Variants in COG5 observed in about 807,000 individuals in gnomAD.
COG5 encodes the protein component of oligomeric golgi complex 5, also known as conserved oligomeric Golgi complex subunit 5.
A neutral mutation model predicts 110.4 loss-of-function variants in COG5; 86 were observed. The ratio of observed to expected loss-of-function variants is 0.78; its 90% CI spans 0.65 to 0.93. The LOEUF is 0.93. Among genes scored for constraint, COG5 ranks in the 40% least tolerant of loss-of-function variants. The probability of loss-of-function intolerance (pLI) is 0.00; values close to 1 mark genes in which losing one functional copy is unlikely to be tolerated. For missense variants in COG5, 1,077 were observed against 987.0 expected (o/e 1.09, Z -1.22); for synonymous variants, 360 against 334.6 (o/e 1.08, Z -0.83).
intron 17 of COG5, among the ~76,000 whole-genome samples, chr7:107,243,342 T>C (rs1283774635): frequency 6.6e-6 from 1 of 151,492 alleles, no homozygotes; most frequent in African/African-American, 2.4e-5. Flanking sequence ...TGAAACCCCG[T>C]CTCTACTAAA....
At chr7:107,500,345 T>C (rs527382455) in intron 6 of COG5, among the ~76,000 whole-genome samples, 3 of 152,322 alleles carry the variant, frequency 2.0e-5, no homozygotes, top group East Asian at 1.9e-4. Flanking sequence ...CCCTAGACCA[T>C]GCAATTTAGA....
At chr7:107,447,077 G>A (rs1265584751) in intron 6 of COG5, among the ~76,000 whole-genome samples, 1 of 152,180 alleles carries the variant, frequency 6.6e-6, no homozygotes, top group Non-Finnish European at 1.5e-5. Context: ...TTTTTGACAA[G>A]GTTCAGTTCC....
At chr7:107,507,269 G>C (rs1799085847) in intron 6 of COG5, among the ~76,000 whole-genome samples, 1 of 151,082 alleles carries the variant, frequency 6.6e-6, no homozygotes, top group Non-Finnish European at 1.5e-5. Context: ...AATTTTAATA[G>C]CCTTGAAATA....
Position 107,362,356 on chromosome 7 carries a change from C to G in COG5, c.900G>C (p.Trp300Cys). ...GNTAALRASF[W>C]TNMEKLMDHI... is the part of the protein sequence containing the mutation. ...GATCCATAAGTTTCTCCATATTGGT[C>G]CAGAATGAGGCACGCAAAGCTGCAG... Residue 300 changes from tryptophan to cysteine, a missense_variant, in exon 9 of 22, where the codon TGG becomes TGC. Trp to Cys is a radical substitution (Grantham distance 215, BLOSUM62 -2). Coordinates refer to ENST00000297135, the MANE Select transcript of COG5 (RefSeq NM_006348.5). 6.2e-7 allele frequency: 1 copy of G among 1,613,818 alleles called. No homozygotes were observed. The highest frequency in any genetic ancestry group is 8.5e-7 in the Non-Finnish European group (1 of 1,179,822).
Position 107,283,734 on chromosome 7 carries a change from T to TTTGGAACAAA in COG5, c.1314-3_1314-2insTTTGTTCCAA, listed in dbSNP as rs760690359. 26 of 1,613,334 alleles carry TTTGGAACAAA rather than the reference T, an allele frequency of 1.6e-5. No homozygotes were observed. Among genetic ancestry groups the TTTGGAACAAA allele is most frequent in the Non-Finnish European group, 2.1e-5 (25 of 1,179,474 alleles). ...GAGTCTTTCAAAGCCTTTTCTGGAC[T>TTTGGAACAAA]GTGGAAACAAAATTTTTTAAAAACT... On this transcript the variant is annotated splice_region_variant and splice_polypyrimidine_tract_variant and intron_variant, in intron 12 of 21. Coordinates refer to ENST00000297135, the MANE Select transcript of COG5 (RefSeq NM_006348.5).
chr7:107,318,759 C>G (rs1320376970), intron 11 of COG5, among the ~76,000 whole-genome samples: 1 of 152,102 alleles, frequency 6.6e-6, no homozygotes, highest in Non-Finnish European at 1.5e-5. Context: ...AGATCAGGGC[C>G]CACCCTTGTG....
At chr7:107,271,888 C>A (rs929987351) in intron 14 of COG5, among the ~76,000 whole-genome samples, 2 of 151,546 alleles carry the variant, frequency 1.3e-5, no homozygotes, top group African/African-American at 4.9e-5. Flanking sequence ...TTGAATTTTG[C>A]TGAATTAGCT....
chr7:107,545,692 A>G (rs1802362260), intron 5 of COG5, among the ~76,000 whole-genome samples: 6 of 150,470 alleles, frequency 4.0e-5, no homozygotes, highest in Admixed American at 4.0e-4. Flanking sequence ...AGGCAGAAGA[A>G]TGGCTTGAAC....
chr7:107,325,974 C>A (rs1394369852), intron 10 of COG5, among the ~76,000 whole-genome samples: 1 of 152,136 alleles, frequency 6.6e-6, no homozygotes, highest in Non-Finnish European at 1.5e-5. Flanking sequence ...TTATGTCTTG[C>A]ATATCTTAGT....
intron 7 of COG5, among the ~76,000 whole-genome samples, chr7:107,379,736 C>T (rs1814945849): frequency 6.6e-6 from 1 of 151,986 alleles, no homozygotes; most frequent in Non-Finnish European, 1.5e-5. Flanking sequence ...GCTAACTATC[C>T]CAAGTATATA....
chr7:107,409,397 A>T (rs1792110830), intron 7 of COG5, among the ~76,000 whole-genome samples: 1 of 152,038 alleles, frequency 6.6e-6, no homozygotes, highest in Admixed American at 6.5e-5. Flanking sequence ...TAGATTACTG[A>T]AAGTAATCTA....
intron 5 of COG5, among the ~76,000 whole-genome samples, chr7:107,528,686 AT>A (rs1448150994): frequency 6.6e-6 from 1 of 152,186 alleles, no homozygotes; most frequent in African/African-American, 2.4e-5. Flanking sequence ...CATCACAACC[AT>A]TTTTGAATGG....
At chr7:107,541,935 AG>A (rs1802070263) in intron 5 of COG5, among the ~76,000 whole-genome samples, 1 of 150,806 alleles carries the variant, frequency 6.6e-6, no homozygotes, top group African/African-American at 2.5e-5. Context: ...ATCTCAAAAA[AG>A]AAAAAAAAAA....
At chr7:107,400,249 G>A (rs1338329227) in intron 7 of COG5, among the ~76,000 whole-genome samples, 1 of 152,068 alleles carries the variant, frequency 6.6e-6, no homozygotes, top group Non-Finnish European at 1.5e-5. Flanking sequence ...CACATAACAT[G>A]CATGAATCTC....
In COG5 at chr7:107,287,878, A is replaced by C. The variant is rs150694924; in HGVS notation, c.1314-4146T>G. Among the ~76,000 whole-genome samples, 216 of 152,262 alleles carry C rather than the reference A, an allele frequency of 1.4e-3. 3 individuals carry two copies. Among genetic ancestry groups the C allele is most frequent in the East Asian group, 7.7e-4 (4 of 5,178 alleles). ...GTATATATTTTAATTGTAATATTTC[A>C]TTGTATGAATATAGCACATTTTGTT... On this transcript the variant is annotated intron_variant, in intron 12 of 21. Coordinates refer to ENST00000297135, the MANE Select transcript of COG5 (RefSeq NM_006348.5).
chr7:107,405,742 C>T (rs1791787042), intron 7 of COG5, among the ~76,000 whole-genome samples: 1 of 152,082 alleles, frequency 6.6e-6, no homozygotes, highest in Admixed American at 6.6e-5. Flanking sequence ...ATGATGAAAT[C>T]CTAACTGCCA....
intron 6 of COG5, among the ~76,000 whole-genome samples, chr7:107,490,099 T>C (rs1356369893): frequency 1.3e-5 from 2 of 152,218 alleles, no homozygotes; most frequent in Non-Finnish European, 2.9e-5. Flanking sequence ...TAAATTATTT[T>C]TAAAAGGAAT....
At chr7:107,493,549 T>C (rs1798094992) in intron 6 of COG5, among the ~76,000 whole-genome samples, 1 of 152,188 alleles carries the variant, frequency 6.6e-6, no homozygotes, top group Non-Finnish European at 1.5e-5. Context: ...ACAGAACTTA[T>C]TTATAATTTT....
At chr7:107,544,110 G>T (rs1802246745) in intron 5 of COG5, among the ~76,000 whole-genome samples, 1 of 152,054 alleles carries the variant, frequency 6.6e-6, no homozygotes, top group South Asian at 2.1e-4. Flanking sequence ...CAGAGTCCAG[G>T]CTTATTTCAG....
Sources: gnomAD v4.1 joint callset for allele counts (sites outside exome capture counted in the v4.1 genomes callset) on GRCh38, gnomAD v4.1.1 for gene constraint, MANE v1.5 for transcripts, NCBI Gene and HGNC (gene_info 2026-07-23, HGNC 2026-07-21) for gene names.